The following CYP4F11 variants were observed in gnomAD, a reference collection of about 807,000 sequenced individuals.
The protein encoded by CYP4F11 is cytochrome P450 family 4 subfamily F member 11.
CYP4F11 carries 79 observed loss-of-function variants against 62.2 expected under a neutral mutation model. The observed-to-expected ratio is 1.27, with a 90% CI of 1.06 to 1.53. CYP4F11 has a LOEUF of 1.53. Among genes scored for constraint, CYP4F11 ranks in the 40% most tolerant of loss-of-function variants. CYP4F11 has a pLI of 0.00. For missense variants in CYP4F11, 777 were observed against 680.5 expected, an observed-to-expected ratio of 1.14 and a Z score of -1.58; for synonymous variants, 290 against 263.7, an observed-to-expected ratio of 1.10 and a Z score of -0.97.
intron 8 of CYP4F11, among the ~76,000 whole-genome samples, chr19:15,920,118 C>T (rs1398284142): frequency 1.3e-5 from 2 of 152,124 alleles, no homozygotes; most frequent in African/African-American, 4.8e-5. Context: ...ATGGATATGA[C>T]CATCAGGTGG....
intron 8 of CYP4F11, among the ~76,000 whole-genome samples, chr19:15,917,783 A>G (rs1230619984): frequency 6.6e-6 from 1 of 152,170 alleles, no homozygotes; most frequent in African/African-American, 2.4e-5. Context: ...TTCCACAAAA[A>G]GAAAAAAAAT....
chr19:15,916,579 G>T (rs569782399), intron 8 of CYP4F11, among the ~76,000 whole-genome samples: 1 of 152,070 alleles, frequency 6.6e-6, no homozygotes, highest in African/African-American at 2.4e-5. Context: ...AAATCAGCAA[G>T]CAAAAAATCA....
At chr19:15,923,674 C>G in intron 6 of CYP4F11, 138 bp downstream of exon 6, 2 of 1,239,928 alleles carry the variant, frequency 1.6e-6, no homozygotes, top group Non-Finnish European at 2.2e-6. Context: ...AGTCATCTCT[C>G]AAACCTATCT....
chr19:15,927,290 C>G lies in CYP4F11; in HGVS notation c.447G>C (p.Arg149=). 1 of 1,614,176 alleles carries G rather than the reference C, an allele frequency of 6.2e-7. No homozygotes were observed. Among genetic ancestry groups the G allele is most frequent in the Non-Finnish European group, 8.5e-7 (1 of 1,180,030 alleles). The change falls in exon 4 of 12, where the codon CGG becomes CGC. Residue 149 remains arginine (R), a synonymous_variant. Transcript: ENST00000402119. ...SGGDKWSRHR[R]MLTPAFHFNI... Reference sequence around the variant, plus strand: ...TGAAATGGAAGGCAGGCGTCAACATCCGACGGTGGCGGCTCCACTTGTCAC... The same window carrying G: ...TGAAATGGAAGGCAGGCGTCAACATGCGACGGTGGCGGCTCCACTTGTCAC...
intron 8 of CYP4F11, among the ~76,000 whole-genome samples, chr19:15,915,675 A>C (rs2089578237): frequency 6.6e-6 from 1 of 152,094 alleles, no homozygotes; most frequent in Admixed American, 6.6e-5. Flanking sequence ...ATTTAACAGT[A>C]TGTCAGTCTT....
Position 15,914,341 on chromosome 19 carries a change from G to A in CYP4F11, c.1361C>T (p.Ser454Leu). 6.2e-7 allele frequency: 1 copy of A among 1,614,128 alleles called. No homozygotes were observed. The highest frequency in any genetic ancestry group is 1.1e-5 in the South Asian group (1 of 91,064). Residue 454 changes from serine (S) to leucine (L), a missense_variant, in exon 11 of 12, where the codon TCA becomes TTA. Coordinates refer to ENST00000402119, the MANE Select transcript of CYP4F11 (RefSeq NM_021187.4). ...RFDQENIKERSPLAFIPFSAG... is the reference protein window; with the variant it reads ...RFDQENIKERLPLAFIPFSAG... ...CGAGAAGGGAATAAAAGCCAGAGGT[G>A]ACCTCTCCTTGATGTTCTCTTGGTC...
rs1421109403 is a variant in CYP4F11 at position 15,931,609 on chromosome 19, G to A, written c.199-2008C>T. Among the ~76,000 whole-genome samples, 822 of 92,452 alleles carry A rather than the reference G, an allele frequency of 8.9e-3. 10 individuals are homozygous for A. The highest frequency in any genetic ancestry group is 0.018 in the Admixed American group (163 of 8,860). The allele number at this position is 92,452 out of a possible 152,430, so 60.7% of individuals were successfully genotyped here. ...GGAGAGGAATGAGTGAGTGAGGAGA[G>A]GAATGAGTGAGCGAGGAGAGGAATG... On this transcript the variant is annotated intron_variant, in intron 1 of 11. Transcript: ENST00000402119.
chr19:15,923,780 A>G (rs998169202), intron 6 of CYP4F11, 32 bp downstream of exon 6: 5 of 1,598,570 alleles, frequency 3.1e-6, no homozygotes, highest in Admixed American at 1.7e-5. Context: ...TCTCCACTCT[A>G]TTACTTGAAT....
At chr19:15,934,108 A>G (rs1313513367) in intron 1 of CYP4F11, 103 bp downstream of exon 1, 2 of 1,273,232 alleles carry the variant, frequency 1.6e-6, no homozygotes, top group Non-Finnish European at 2.2e-6. Context: ...CTGTGTTCCC[A>G]CACCCCAGCC....
chr19:15,923,812 C>G lies in CYP4F11; in HGVS notation c.918G>C (p.Lys306Asn). Residue 306 changes from lysine (K) to asparagine (N), a missense_variant and splice_region_variant, in exon 6 of 12, where the codon AAG (lysine) becomes AAC (asparagine). Transcript: ENST00000402119. ...GAATTCACATCCCAGAGAAGCCTAC[C>G]TTGCTCAGCAGAAGCACATCAATGA... ...LDFIDVLLLS[K>N]DEDGKELSDE... 1 of 1,610,998 alleles carries G rather than the reference C, an allele frequency of 6.2e-7. No homozygotes were observed. Among genetic ancestry groups the G allele is most frequent in the Non-Finnish European group, 8.5e-7 (1 of 1,177,346 alleles).
chr19:15,934,411 T>A lies in CYP4F11; in HGVS notation c.-3A>T. On this transcript the variant is annotated 5_prime_UTR_variant, in exon 1 of 12. Transcript: ENST00000402119. ...CAGGACAGGCTCAGCTGCGGCATCC[T>A]GCAGGGCAGACGGGATGGAGGGTGG... The A allele has an allele frequency of 1.9e-6, 3 of 1,612,636 alleles. No homozygotes were observed. Among genetic ancestry groups the A allele is most frequent in the Non-Finnish European group, 2.5e-6 (3 of 1,179,426 alleles).
Position 15,934,515 on chromosome 19 carries a change from A to G in CYP4F11, c.-107T>C. 2 of 1,337,064 alleles carry G rather than the reference A, an allele frequency of 1.5e-6. No individual in the cohort carries two copies. Among genetic ancestry groups the G allele is most frequent in the African/African-American group, 1.5e-5 (1 of 67,490 alleles). The allele number at this position is 1,337,064 out of a possible 1,614,324, so 82.8% of individuals were successfully genotyped here. A position where few individuals can be genotyped will look rare whatever the true frequency, so the allele number is the denominator to read the frequency against. ...CAAGGATGGGCAGTGCTGGAGGCAG[A>G]TCAGGGAAGGCTCTGAGATGGGTAA... On this transcript the variant is annotated 5_prime_UTR_variant, in exon 1 of 12. Transcript: ENST00000402119.
At position 15,927,444 on chromosome 19, in the gene CYP4F11, A is replaced by G. The variant is rs1181660536; in HGVS notation, c.383T>C (p.Leu128Pro). 1 of 1,614,140 alleles carries G rather than the reference A, an allele frequency of 6.2e-7. No individual in the cohort carries two copies. The highest frequency in any genetic ancestry group is 1.7e-5 in the Admixed American group (1 of 60,024). The change falls in exon 3 of 12, where the codon CTG (leucine) becomes CCG (proline). Residue 128 changes from leucine (L) to proline (P), a missense_variant. Physicochemically the swap from Leu to Pro is moderately conservative, Grantham distance 98. Transcript: ENST00000402119. ...CAATTACTCACCCAGCCAGGGCTTC[A>G]GGAAGCCATAGAAAATCATATCCTT... ...APKDMIFYGF[L>P]KPWLGDGLLL...
At chr19:15,916,425 C>T (rs925995166) in intron 8 of CYP4F11, among the ~76,000 whole-genome samples, 7 of 151,978 alleles carry the variant, frequency 4.6e-5, no homozygotes, top group African/African-American at 1.2e-4. Context: ...ATAAAGAAAT[C>T]GGTCCTAATT....
intron 8 of CYP4F11, among the ~76,000 whole-genome samples, chr19:15,921,668 C>A (rs1461782775): frequency 6.6e-6 from 1 of 152,140 alleles, no homozygotes; most frequent in Non-Finnish European, 1.5e-5. Context: ...TCTTATAAAT[C>A]CCTGGACTGT....
Position 15,934,298 on chromosome 19 carries a change from C to G in CYP4F11, c.111G>C (p.Trp37Cys), listed in dbSNP as rs1359912773. The change falls in exon 1 of 12, where the codon TGG becomes TGC. Residue 37 changes from tryptophan (W) to cysteine (C), a missense_variant. Physicochemically the swap from Trp to Cys is radical, Grantham distance 215. Transcript: ENST00000402119. ...GGCAGTTGTCATAGAAGGTGTAGGT[C>G]CAGGCCAGGACGCGGGCCAGGAGCC... ...GSWLLARVLA[W>C]TYTFYDNCRR... 2.5e-6 allele frequency: 4 copies of G among 1,613,692 alleles called. No homozygotes were observed. Among genetic ancestry groups the G allele is most frequent in the East Asian group, 2.2e-5 (1 of 44,880 alleles).
chr19:15,922,336 C>G, intron 7 of CYP4F11, 28 bp downstream of exon 7: 1 of 1,613,756 alleles, frequency 6.2e-7, no homozygotes, highest in Non-Finnish European at 8.5e-7. Context: ...CCCCTGTCCC[C>G]ACCGTAGTCC....
chr19:15,932,463 G>GGGAGAGGAATGAGTGAGTGA lies in CYP4F11; in HGVS notation c.198+1728_198+1747dup, dbSNP rs1568258156. On this transcript the variant is annotated intron_variant, in intron 1 of 11. Coordinates refer to ENST00000402119, the MANE Select transcript of CYP4F11 (RefSeq NM_021187.4). The stretch of plus-strand genomic sequence containing the variant: ...GAGCGGGGAGAGGAATGAGTGAGCG[G>GGGAGAGGAATGAGTGAGTGA]GGAGAGGAATGAGTGAGTGAGGAGA... Among the ~76,000 whole-genome samples the GGGAGAGGAATGAGTGAGTGA allele has an allele frequency of 6.2e-5, 3 of 48,192 alleles. 1 individual carries two copies. The highest frequency in any genetic ancestry group is 1.6e-4 in the African/African-American group (2 of 12,486). 31.6% of individuals were successfully genotyped at this position (48,192 alleles called of 152,430 possible). A position where few individuals can be genotyped will look rare whatever the true frequency, so the allele number is the denominator to read the frequency against.
At chr19:15,927,390 C>G in intron 3 of CYP4F11, 40 bp downstream of exon 3, 1 of 1,614,008 alleles carries the variant, frequency 6.2e-7, no homozygotes, top group South Asian at 1.1e-5. Flanking sequence ...TCCCTTATCC[C>G]TAAAGGATAT....
Sources: gnomAD v4.1 joint callset for allele counts (sites outside exome capture counted in the v4.1 genomes callset) on GRCh38, gnomAD v4.1.1 for gene constraint, MANE v1.5 for transcripts, NCBI Gene and HGNC (gene_info 2026-07-23, HGNC 2026-07-21) for gene names.